CCDC148: variants seen among roughly 807,000 people sequenced by gnomAD.
CCDC148 encodes the protein coiled-coil domain-containing protein 148.
Under a neutral mutation model 85.7 loss-of-function variants are expected in CCDC148, and 89 were observed. The ratio of observed to expected loss-of-function variants is 1.04; its 90% CI spans 0.87 to 1.24. The LOEUF is 1.24. Ranked by LOEUF, CCDC148 falls within the 50% of genes most tolerant of loss-of-function variation. The pLI is 0.00. For missense variants in CCDC148, 692 were observed against 671.7 expected, an observed-to-expected ratio of 1.03 and a Z score of -0.33; for synonymous variants, 230 against 213.9, an observed-to-expected ratio of 1.08 and a Z score of -0.66.
chr2:158,195,729 A>G (rs1238477635), intron 11 of CCDC148, among the ~76,000 whole-genome samples: 1 of 152,170 alleles, frequency 6.6e-6, no homozygotes, highest in African/African-American at 2.4e-5. Flanking sequence ...CTGCAAGAAG[A>G]CAAGATAGAA....
At chr2:158,241,483 C>A (rs926944055) in intron 10 of CCDC148, among the ~76,000 whole-genome samples, 1 of 151,996 alleles carries the variant, frequency 6.6e-6, no homozygotes, top group Non-Finnish European at 1.5e-5. Context: ...AGAAAGGGGG[C>A]AATTTCTTGA....
chr2:158,194,877 T>C lies in CCDC148; in HGVS notation c.1371-15881A>G, dbSNP rs1685591941. On this transcript the variant is annotated intron_variant, in intron 11 of 13. Transcript: ENST00000283233. The stretch of plus-strand genomic sequence containing the variant: ...CTATTATGTTATTCTCTTTCCAGCA[T>C]CCCATCCCCCATCTGCTCATCCACA... Among the ~76,000 whole-genome samples the C allele has an allele frequency of 2.6e-5, 4 of 152,140 alleles. No homozygotes were observed. The South Asian group carries it at 8.3e-4, about 32-fold the overall frequency.
intron 2 of CCDC148, 67 bp downstream of exon 2, chr2:158,358,382 A>G (rs1377973656): frequency 3.2e-5 from 50 of 1,547,112 alleles, no homozygotes; most frequent in Non-Finnish European, 4.3e-5. Context: ...CACATTGACA[A>G]TGTAAATACT....
chr2:158,404,481 A>T (rs1014577784), intron 1 of CCDC148, among the ~76,000 whole-genome samples: 1 of 152,144 alleles, frequency 6.6e-6, no homozygotes, highest in Non-Finnish European at 1.5e-5. Context: ...CACACAAGAG[A>T]TAATTGTTAG....
At chr2:158,269,221 G>A (rs1021521816) in intron 9 of CCDC148, among the ~76,000 whole-genome samples, 3 of 151,972 alleles carry the variant, frequency 2.0e-5, no homozygotes, top group African/African-American at 7.3e-5. Flanking sequence ...TCTCACTGAC[G>A]CTCATTCTCT....
At chr2:158,175,054 A>G (rs10194422) in intron 13 of CCDC148, among the ~76,000 whole-genome samples, 1 of 151,960 alleles carries the variant, frequency 6.6e-6, no homozygotes, top group Non-Finnish European at 1.5e-5. Flanking sequence ...ACATGTTTCC[A>G]GTCTCCTCTC....
chr2:158,295,655 C>T lies in CCDC148; in HGVS notation c.1110+13778G>A, dbSNP rs368026480. On this transcript the variant is annotated intron_variant, in intron 9 of 13. Transcript: ENST00000283233. ...ATTATCTCAATAGATGCAGAAAAGGCCTTTGACAAAATTCAACAATGCTTC... is the reference window on the plus strand; with the variant it reads ...ATTATCTCAATAGATGCAGAAAAGGTCTTTGACAAAATTCAACAATGCTTC... Among the ~76,000 whole-genome samples the T allele has an allele frequency of 5.8e-5, 8 of 138,066 alleles. No individual in the cohort carries two copies. The South Asian group carries it at 1.5e-3, about 27-fold the overall frequency. 90.6% of individuals were successfully genotyped at this position (138,066 alleles called of 152,430 possible).
chr2:158,225,164 G>A (rs1378178329), intron 10 of CCDC148, among the ~76,000 whole-genome samples: 1 of 152,110 alleles, frequency 6.6e-6, no homozygotes, highest in African/African-American at 2.4e-5. Flanking sequence ...CCTAGTCTCT[G>A]ATAAAACAGA....
At chr2:158,314,400 TTTTAC>T (rs1357920589) in intron 7 of CCDC148, among the ~76,000 whole-genome samples, 1 of 152,238 alleles carries the variant, frequency 6.6e-6, no homozygotes, top group African/African-American at 2.4e-5. Context: ...TAAAATTATC[TTTTAC>T]TTTATCTTCT....
intron 3 of CCDC148, among the ~76,000 whole-genome samples, chr2:158,344,451 T>C (rs1682893628): frequency 6.6e-6 from 1 of 152,096 alleles, no homozygotes; most frequent in Non-Finnish European, 1.5e-5. Context: ...TTACTTAGAA[T>C]AAGACCACAG....
In CCDC148 at chr2:158,438,096, A is replaced by C. The variant is rs1056480409; in HGVS notation, c.25+18319T>G. On this transcript the variant is annotated intron_variant, in intron 1 of 13. Coordinates refer to ENST00000283233, the MANE Select transcript of CCDC148 (RefSeq NM_138803.4). ...TGCCATCCCCATCAAGCTACCAATG[A>C]CTTTCTTCACAGAATTGGAAAAAAC... 6.6e-5 allele frequency among the ~76,000 whole-genome samples: 10 copies of C among 152,260 alleles called. 1 individual carries two copies. In the South Asian group the frequency reaches 1.9e-3, roughly 28 times the overall value.
At chr2:158,235,889 A>G (rs900601669) in intron 10 of CCDC148, 1 of 152,344 alleles carries the variant, frequency 6.6e-6, no homozygotes, top group Non-Finnish European at 1.5e-5. Context: ...GAAGGACACA[A>G]CTGGTCAGTA....
intron 1 of CCDC148, among the ~76,000 whole-genome samples, chr2:158,373,758 C>A (rs989148306): frequency 6.6e-6 from 1 of 151,890 alleles, no homozygotes; most frequent in Non-Finnish European, 1.5e-5. Flanking sequence ...GTTCCTCTAC[C>A]CCCAATTATT....
rs770531104 is a variant in CCDC148 at position 158,175,635 on chromosome 2, C to T, written c.1629+886G>A. Among the ~76,000 whole-genome samples, 7 of 152,042 alleles carry T rather than the reference C, an allele frequency of 4.6e-5. No individual in the cohort carries two copies. In the South Asian group the frequency reaches 8.3e-4, roughly 18 times the overall value. On this transcript the variant is annotated intron_variant, in intron 13 of 13. Transcript: ENST00000283233. ...GCTCTGATGTAGCCCAGGCACCATA[C>T]GCAGAGCCAGAATATAATATATGTT...
intron 9 of CCDC148, among the ~76,000 whole-genome samples, chr2:158,298,134 G>A (rs1329761236): frequency 2.0e-5 from 3 of 152,132 alleles, no homozygotes; most frequent in African/African-American, 4.8e-5. Flanking sequence ...ATCAGATCTG[G>A]TGAGAACTCA....
At chr2:158,453,848 C>A (rs1688499525) in intron 1 of CCDC148, among the ~76,000 whole-genome samples, 1 of 152,190 alleles carries the variant, frequency 6.6e-6, no homozygotes, top group Non-Finnish European at 1.5e-5. Flanking sequence ...AGTCACCAGA[C>A]CTCCTAATAT....
intron 9 of CCDC148, among the ~76,000 whole-genome samples, chr2:158,283,078 G>A (rs1260569113): frequency 1.3e-5 from 2 of 152,234 alleles, no homozygotes; most frequent in African/African-American, 4.8e-5. Flanking sequence ...CTAGCCATAT[G>A]TAGAAAGCTG....
At chr2:158,218,239 C>T (rs1348750218) in intron 11 of CCDC148, among the ~76,000 whole-genome samples, 1 of 152,158 alleles carries the variant, frequency 6.6e-6, no homozygotes, top group African/African-American at 2.4e-5. Context: ...AGTGGATCAA[C>T]TCTGTCCTCA....
intron 1 of CCDC148, among the ~76,000 whole-genome samples, chr2:158,368,343 T>A (rs1293472205): frequency 1.3e-5 from 2 of 152,148 alleles, no homozygotes; most frequent in African/African-American, 4.8e-5. Flanking sequence ...TGAAACTGTA[T>A]TAAAACCAAC....
Sources: gnomAD v4.1 joint callset for allele counts (sites outside exome capture counted in the v4.1 genomes callset) on GRCh38, gnomAD v4.1.1 for gene constraint, MANE v1.5 for transcripts, NCBI Gene and HGNC (gene_info 2026-07-23, HGNC 2026-07-21) for gene names.